MGAT5: variants seen among roughly 807,000 people sequenced by gnomAD.
MGAT5 encodes alpha-1,6-mannosylglycoprotein 6-beta-N-acetylglucosaminyltransferase A.
A neutral mutation model predicts 94.3 loss-of-function variants in MGAT5; 30 were observed. The observed-to-expected ratio is 0.32, with a 90% confidence interval of 0.24 to 0.43. The LOEUF is 0.43. Among genes scored for constraint, MGAT5 ranks in the 20% least tolerant of loss-of-function variants. MGAT5 has a pLI of 1.00. For missense variants in MGAT5, 691 were observed against 905.5 expected (o/e 0.76, Z 3.04); for synonymous variants, 310 against 322.9 (o/e 0.96, Z 0.43).
At chr2:134,448,535 G>T in intron 15 of MGAT5, 114 bp from the exon 16 acceptor site, 1 of 951,088 alleles carries the variant, frequency 1.1e-6, no homozygotes, top group Admixed American at 1.8e-5. Context: ...TCTAAAGTAG[G>T]ACAAGACAAC....
intron 2 of MGAT5, among the ~76,000 whole-genome samples, chr2:134,274,145 G>T (rs1334270648): frequency 6.6e-6 from 1 of 152,170 alleles, no homozygotes; most frequent in African/African-American, 2.4e-5. Flanking sequence ...GAAAATGCTT[G>T]CCTTCTAAGG....
intron 1 of MGAT5, among the ~76,000 whole-genome samples, chr2:134,239,705 A>G (rs1681866015): frequency 6.6e-6 from 1 of 151,778 alleles, no homozygotes; most frequent in Non-Finnish European, 1.5e-5. Context: ...GGGGATGAGG[A>G]TGTGGATGGA....
At chr2:134,134,106 A>C (rs1010819619) in intron 1 of MGAT5, among the ~76,000 whole-genome samples, 1 of 152,150 alleles carries the variant, frequency 6.6e-6, no homozygotes, top group African/African-American at 2.4e-5. Flanking sequence ...AAGCGGGCCA[A>C]GGTGCAGCCT....
chr2:134,243,967 T>C (rs1257189), intron 1 of MGAT5, among the ~76,000 whole-genome samples: 99,420 of 152,010 alleles, frequency 0.65, 33,667 homozygotes, highest in Non-Finnish European at 0.74. Flanking sequence ...ATTTTTGTGA[T>C]TGTGATTTTC....
chr2:134,272,288 T>C (rs1385361742), intron 2 of MGAT5, among the ~76,000 whole-genome samples: 1 of 152,218 alleles, frequency 6.6e-6, no homozygotes, highest in East Asian at 1.9e-4. Flanking sequence ...TCTAAGCCAA[T>C]GGCTCTGAGC....
At chr2:134,412,809 C>G in intron 11 of MGAT5, 60 bp from the exon 12 acceptor site, 1 of 1,589,674 alleles carries the variant, frequency 6.3e-7, no homozygotes, top group South Asian at 1.1e-5. Context: ...TAGGAATGCC[C>G]GTCCTGCCTG....
intron 5 of MGAT5, among the ~76,000 whole-genome samples, chr2:134,337,747 A>C (rs923668407): frequency 3.3e-5 from 5 of 152,186 alleles, no homozygotes; most frequent in African/African-American, 9.6e-5. Flanking sequence ...ATTCCTTAGA[A>C]AACAATGAAT....
In MGAT5 at chr2:134,341,706, G is replaced by A. The variant is rs751577001; in HGVS notation, c.924G>A (p.Leu308=). 3.1e-6 allele frequency: 5 copies of A among 1,613,342 alleles called. No individual in the cohort carries two copies. The highest frequency in any genetic ancestry group is 2.2e-5 in the East Asian group (1 of 44,836). ...LVQWSDLITS[L]YLLGHDIRIS... ...AATGGAGTGATTTAATTACATCTCT[G>A]TACTTACTGGGCCATGACATTAGGA... The change falls in exon 7 of 16, where the codon CTG becomes CTA. Residue 308 remains leucine, a synonymous_variant. Transcript: ENST00000281923.
intron 1 of MGAT5, among the ~76,000 whole-genome samples, chr2:134,225,442 T>TA (rs1348941728): frequency 6.6e-6 from 1 of 152,202 alleles, no homozygotes; most frequent in Admixed American, 6.5e-5. Flanking sequence ...GGCCACATCT[T>TA]AGAGGGATTG....
chr2:134,300,573 C>A (rs1177097084), intron 2 of MGAT5, among the ~76,000 whole-genome samples: 1 of 152,152 alleles, frequency 6.6e-6, no homozygotes, highest in African/African-American at 2.4e-5. Flanking sequence ...GAACACTTTA[C>A]CAACAGTTTG....
At chr2:134,321,659 G>A (rs963175266) in intron 4 of MGAT5, among the ~76,000 whole-genome samples, 4 of 152,298 alleles carry the variant, frequency 2.6e-5, no homozygotes, top group East Asian at 1.9e-4. Context: ...TGTGAAATAC[G>A]CTTCATTAGC....
At chr2:134,120,341 C>T in intron 1 of MGAT5, 2 of 388,558 alleles carry the variant, frequency 5.1e-6, no homozygotes, top group Middle Eastern at 6.5e-4. Flanking sequence ...CTCGTCATCC[C>T]CGCGGGGTGA....
chr2:134,180,790 G>A (rs539425783), intron 1 of MGAT5, among the ~76,000 whole-genome samples: 8 of 152,138 alleles, frequency 5.3e-5, no homozygotes, highest in Non-Finnish European at 1.0e-4. Context: ...TTTCTTTAGG[G>A]GCCAGGAGTT....
chr2:134,432,621 C>G (rs1463883449), intron 14 of MGAT5, among the ~76,000 whole-genome samples: 3 of 152,176 alleles, frequency 2.0e-5, no homozygotes, highest in Admixed American at 2.0e-4. Flanking sequence ...TTTCCTGCAC[C>G]CAGAGAGACT....
intron 10 of MGAT5, among the ~76,000 whole-genome samples, chr2:134,400,819 C>G (rs533603349): frequency 9.2e-5 from 14 of 152,322 alleles, no homozygotes; most frequent in Admixed American, 9.1e-4. Flanking sequence ...CCATCTCCTG[C>G]TTTAAGGCCA....
intron 1 of MGAT5, among the ~76,000 whole-genome samples, chr2:134,171,772 G>A (rs1688221908): frequency 6.6e-6 from 1 of 152,176 alleles, no homozygotes; most frequent in African/African-American, 2.4e-5. Flanking sequence ...GGACATTGGA[G>A]GAGGCTCTGT....
chr2:134,407,102 G>A (rs904708606), intron 11 of MGAT5, among the ~76,000 whole-genome samples: 8 of 152,100 alleles, frequency 5.3e-5, no homozygotes, highest in Non-Finnish European at 8.8e-5. Flanking sequence ...TCCTGTTCTC[G>A]TATACCCTGC....
chr2:134,440,820 C>T lies in MGAT5; in HGVS notation c.1870-938C>T, dbSNP rs112457285. 1.5e-3 allele frequency among the ~76,000 whole-genome samples: 224 copies of T among 152,228 alleles called. 2 individuals carry two copies. Among genetic ancestry groups the T allele is most frequent in the African/African-American group, 5.0e-3 (209 of 41,524 alleles). On this transcript the variant is annotated intron_variant, in intron 14 of 15. Coordinates refer to ENST00000281923, the MANE Select transcript of MGAT5 (RefSeq NM_002410.5). ...TTTCACTTCGCAAATGTGTATTCCT[C>T]GATTGAACCCACCACCACAACTGCC... is the stretch of plus-strand genomic sequence containing the variant.
At chr2:134,280,962 C>T (rs938765011) in intron 2 of MGAT5, among the ~76,000 whole-genome samples, 1 of 152,320 alleles carries the variant, frequency 6.6e-6, no homozygotes, top group African/African-American at 2.4e-5. Context: ...GCATTTTATA[C>T]AGAAAACCGG....
Sources: gnomAD v4.1 joint callset for allele counts (sites outside exome capture counted in the v4.1 genomes callset) on GRCh38, gnomAD v4.1.1 for gene constraint, MANE v1.5 for transcripts, NCBI Gene and HGNC (gene_info 2026-07-23, HGNC 2026-07-21) for gene names.